RIPOR3: variants seen among roughly 807,000 people sequenced by gnomAD.
RIPOR3 encodes the protein family with sequence similarity 65 member C.
RIPOR3 carries 95 observed loss-of-function variants against 114.3 expected under a neutral mutation model. The ratio of observed to expected loss-of-function variants is 0.83; its 90% CI spans 0.70 to 0.99. The LOEUF is 0.99. Ranked by LOEUF, RIPOR3 falls within the 50% of genes least tolerant of loss-of-function variation. The pLI is 0.00. For missense variants in RIPOR3, 1,252 were observed against 1,266.9 expected (o/e 0.99, Z 0.18); for synonymous variants, 575 against 543.8 (o/e 1.06, Z -0.80).
At chr20:50,672,701 G>C (rs1323657623) in intron 1 of RIPOR3, among the ~76,000 whole-genome samples, 1 of 152,186 alleles carries the variant, frequency 6.6e-6, no homozygotes, top group Non-Finnish European at 1.5e-5. Flanking sequence ...CCAGCTCCAA[G>C]TCAGGAGAAT....
intron 1 of RIPOR3, among the ~76,000 whole-genome samples, chr20:50,648,194 T>C (rs2085483498): frequency 6.6e-6 from 1 of 151,894 alleles, no homozygotes. Flanking sequence ...GAGAATTGCC[T>C]GAACCTGGGA....
chr20:50,688,457 G>A (rs2123653364), intron 1 of RIPOR3, among the ~76,000 whole-genome samples: 1 of 152,260 alleles, frequency 6.6e-6, no homozygotes, highest in South Asian at 2.1e-4. Flanking sequence ...ACTCAGCCTT[G>A]ACTACCTTTG....
chr20:50,677,698 CTCACTCTG>C (rs1373238605), intron 1 of RIPOR3, among the ~76,000 whole-genome samples: 1 of 105,236 alleles, frequency 9.5e-6, no homozygotes, highest in East Asian at 3.2e-4. Context: ...GAGACAAGAT[CTCACTCTG>C]TCACCCAGGC....
At chr20:50,592,928 G>T in intron 18 of RIPOR3, 107 bp downstream of exon 18, 2 of 1,392,592 alleles carry the variant, frequency 1.4e-6, no homozygotes, top group Non-Finnish European at 2.0e-6. Flanking sequence ...CAAAAGAACA[G>T]TTGGCGGGGA....
rs1191993514 is a variant in RIPOR3 at position 50,685,968 on chromosome 20, T to A, written c.3+5158A>T. Among the ~76,000 whole-genome samples, 7 of 152,032 alleles carry A rather than the reference T, an allele frequency of 4.6e-5. No homozygotes were observed. The East Asian group carries it at 1.4e-3, about 29-fold the overall frequency. On this transcript the variant is annotated intron_variant, in intron 1 of 21. Transcript: ENST00000327979. ...AAGATGCAGAATAAAATGTATAGAA[T>A]GATCCCATTTTTGAAAATTAAAATT...
In RIPOR3 at chr20:50,672,405, G is replaced by A. The variant is rs576128860; in HGVS notation, c.3+18721C>T. Among the ~76,000 whole-genome samples, 5 of 152,276 alleles carry A rather than the reference G, an allele frequency of 3.3e-5. No individual in the cohort carries two copies. In the East Asian group the frequency reaches 9.6e-4, roughly 29 times the overall value. ...ATGGCCAGGCAGCCCAGCACCCTCT[G>A]CCCTCCACCCAGCAACCCCCAGGCT... On this transcript the variant is annotated intron_variant, in intron 1 of 21. Transcript: ENST00000327979.
chr20:50,589,298 A>G (rs1198154767), intron 20 of RIPOR3, among the ~76,000 whole-genome samples: 1 of 147,598 alleles, frequency 6.8e-6, no homozygotes, highest in Non-Finnish European at 1.5e-5. Flanking sequence ...CTATCTCTGT[A>G]TTTTGTAACT....
chr20:50,685,888 G>A (rs549152430), intron 1 of RIPOR3, among the ~76,000 whole-genome samples: 3 of 151,126 alleles, frequency 2.0e-5, no homozygotes, highest in African/African-American at 7.3e-5. Flanking sequence ...AATGTTTTAG[G>A]TCTTCATGGG....
At chr20:50,591,104 GAGAA>G (rs2083092201) in intron 19 of RIPOR3, among the ~76,000 whole-genome samples, 2 of 152,106 alleles carry the variant, frequency 1.3e-5, no homozygotes, top group South Asian at 4.1e-4. Flanking sequence ...ATTGCAAGCA[GAGAA>G]AGAAACGGGG....
At chr20:50,612,580 C>T (rs771340489) in intron 4 of RIPOR3, among the ~76,000 whole-genome samples, 10 of 151,964 alleles carry the variant, frequency 6.6e-5, no homozygotes, top group Non-Finnish European at 1.5e-4. Context: ...TTTTGTAAGA[C>T]AATTTTAACT....
At chr20:50,691,053 C>A (rs2087195556) in intron 1 of RIPOR3, 73 bp downstream of exon 1, 2 of 1,288,740 alleles carry the variant, frequency 1.6e-6, no homozygotes, top group African/African-American at 1.5e-5. Flanking sequence ...CCTCCTGTCA[C>A]CCCCAGCTCC....
intron 3 of RIPOR3, among the ~76,000 whole-genome samples, chr20:50,618,304 C>T (rs562132085): frequency 5.8e-5 from 7 of 119,884 alleles, no homozygotes; most frequent in South Asian, 2.6e-4. Flanking sequence ...AAAAAAAAGG[C>T]GTAAGTAGGA....
At chr20:50,670,303 A>G (rs983056211) in intron 1 of RIPOR3, among the ~76,000 whole-genome samples, 7 of 152,114 alleles carry the variant, frequency 4.6e-5, no homozygotes, top group Non-Finnish European at 1.0e-4. Context: ...AATCTTGGGC[A>G]TCGGACTTGG....
chr20:50,594,321 G>A (rs980527481), intron 17 of RIPOR3, among the ~76,000 whole-genome samples: 6 of 150,014 alleles, frequency 4.0e-5, no homozygotes, highest in Non-Finnish European at 5.9e-5. Flanking sequence ...AAGTTTGCAC[G>A]CAGCTTCAGG....
chr20:50,644,379 C>G (rs992791559), intron 1 of RIPOR3, among the ~76,000 whole-genome samples: 1 of 152,318 alleles, frequency 6.6e-6, no homozygotes, highest in African/African-American at 2.4e-5. Context: ...AAACAAATTA[C>G]CACTTTAGTT....
intron 1 of RIPOR3, among the ~76,000 whole-genome samples, chr20:50,654,422 GTTTTTTTTTTT>G (rs34825514): frequency 3.6e-5 from 2 of 56,074 alleles, no homozygotes; most frequent in Admixed American, 3.5e-4. Context: ...AGGAGGCAGA[GTTTTTTTTTTT>G]TTTTTTTTTT....
chr20:50,665,671 T>C (rs1408193749), intron 1 of RIPOR3, among the ~76,000 whole-genome samples: 3 of 152,022 alleles, frequency 2.0e-5, no homozygotes, highest in African/African-American at 2.4e-5. Flanking sequence ...CCACCCGCCT[T>C]GGCCTCCCAA....
At chr20:50,589,231 A>G (rs1393602498) in intron 20 of RIPOR3, among the ~76,000 whole-genome samples, 1 of 151,996 alleles carries the variant, frequency 6.6e-6, no homozygotes, top group Admixed American at 6.6e-5. Context: ...AAAGAAGCAT[A>G]CCAGAATGTC....
At chr20:50,615,070 AAC>A (rs1272109280) in intron 4 of RIPOR3, among the ~76,000 whole-genome samples, 1 of 151,420 alleles carries the variant, frequency 6.6e-6, no homozygotes, top group African/African-American at 2.4e-5. Flanking sequence ...AACAAAACAA[AAC>A]AAAACAAACA....
Sources: gnomAD v4.1 joint callset for allele counts (sites outside exome capture counted in the v4.1 genomes callset) on GRCh38, gnomAD v4.1.1 for gene constraint, MANE v1.5 for transcripts, NCBI Gene and HGNC (gene_info 2026-07-23, HGNC 2026-07-21) for gene names.